LAMB3: variants seen among roughly 807,000 people sequenced by gnomAD.
LAMB3 encodes the protein laminin subunit beta-3.
A neutral mutation model predicts 140.3 loss-of-function variants in LAMB3; 104 were observed. That is an observed-to-expected ratio of 0.74 (90% CI 0.63 to 0.87). The LOEUF (loss-of-function observed/expected upper bound fraction) is 0.87, where lower values mean the gene tolerates loss of function less well. Among genes scored for constraint, LAMB3 ranks in the 40% least tolerant of loss-of-function variants. The pLI is 0.00. For missense variants in LAMB3, 1,531 were observed against 1,575.2 expected (o/e 0.97, Z 0.47); for synonymous variants, 592 against 602.9 (o/e 0.98, Z 0.26).
chr1:209,618,556 G>A lies in LAMB3; in HGVS notation c.2805C>T (p.Ile935=). The part of the protein sequence containing the change: ...SATVLQKMNE[I]QAIAARLPNV... Reference sequence around the variant, plus strand: ...TGGGGAGCCTGGCTGCAATGGCCTGGATCTCATTCATCTTCTGCAGAACAG... The same window carrying A: ...TGGGGAGCCTGGCTGCAATGGCCTGAATCTCATTCATCTTCTGCAGAACAG... Residue 935 remains isoleucine, a synonymous_variant, in exon 19 of 23, where the codon ATC becomes ATT. Coordinates refer to ENST00000356082, the MANE Select transcript of LAMB3 (RefSeq NM_000228.3). 1 of 1,614,232 alleles carries A rather than the reference G, an allele frequency of 6.2e-7. No individual in the cohort carries two copies. The highest frequency in any genetic ancestry group is 8.5e-7 in the Non-Finnish European group (1 of 1,180,034).
chr1:209,621,745 T>A (rs1666203737), intron 18 of LAMB3, among the ~76,000 whole-genome samples: 1 of 152,118 alleles, frequency 6.6e-6, no homozygotes, highest in Non-Finnish European at 1.5e-5. Context: ...TGTTTAGGGA[T>A]CTTTCCATTG....
intron 11 of LAMB3, 35 bp from the exon 12 acceptor site, chr1:209,627,614 C>G: frequency 6.2e-7 from 1 of 1,607,900 alleles, no homozygotes; most frequent in South Asian, 1.1e-5. Context: ...CAGGCAGACG[C>G]TCCATGAAAA....
rs764732120 is a variant in LAMB3 at position 209,615,349 on chromosome 1, C to A, written c.3441G>T (p.Leu1147=). 13 of 1,613,696 alleles carry A rather than the reference C, an allele frequency of 8.1e-6. No individual in the cohort carries two copies. The highest frequency in any genetic ancestry group is 1.7e-6 in the Non-Finnish European group (2 of 1,179,842). Residue 1147 remains leucine, a synonymous_variant, in exon 23 of 23, where the codon CTG becomes CTT. Transcript: ENST00000356082. ...SQAIMLRSAD[L]TGLEKRVEQI... ...GCTCCACACGCTTCTCCAGTCCTGT[C>A]AGGTCCGCTGAGCGCAGCATGATGG...
intron 6 of LAMB3, 98 bp downstream of exon 6, chr1:209,634,349 G>C (rs576647536): frequency 6.4e-6 from 8 of 1,256,084 alleles, no homozygotes; most frequent in Middle Eastern, 3.7e-4. Flanking sequence ...GCTGGCGAGG[G>C]TGTTTCCGTC....
chr1:209,631,539 AT>A (rs1014245238), intron 8 of LAMB3, among the ~76,000 whole-genome samples: 12 of 152,168 alleles, frequency 7.9e-5, no homozygotes, highest in African/African-American at 2.9e-4. Flanking sequence ...CCTGGGGAAC[AT>A]TTTTTAAAAT....
intron 18 of LAMB3, among the ~76,000 whole-genome samples, chr1:209,620,529 C>T (rs1666149044): frequency 1.3e-5 from 2 of 152,194 alleles, no homozygotes; most frequent in Admixed American, 1.3e-4. Context: ...TGTATGCACA[C>T]TCGCATGTGT....
intron 19 of LAMB3, 41 bp from the exon 20 acceptor site, chr1:209,618,089 G>A (rs1246100283): frequency 6.2e-7 from 1 of 1,612,438 alleles, no homozygotes; most frequent in Non-Finnish European, 8.5e-7. Flanking sequence ...GAGAGAATGA[G>A]TGAACAGTGA....
intron 8 of LAMB3, 50 bp from the exon 9 acceptor site, chr1:209,630,785 C>G: frequency 6.2e-7 from 1 of 1,604,054 alleles, no homozygotes; most frequent in Non-Finnish European, 8.5e-7. Context: ...AGAAGGGCAC[C>G]AGGGATGGAC....
rs371013768 is a variant in LAMB3 at position 209,625,957 on chromosome 1, C to A, written c.1667G>T (p.Arg556Leu). 1 of 1,613,806 alleles carries A rather than the reference C, an allele frequency of 6.2e-7. No individual in the cohort carries two copies. Among genetic ancestry groups the A allele is most frequent in the African/African-American group, 1.3e-5 (1 of 75,066 alleles). ...CDKASGRCLC[R>L]PGLTGPRCDQ... is the part of the protein sequence containing the mutation. ...ACAGCGGGGCCCGGTCAAGCCAGGGCGGCAGAGGCAGCGGCCTGATGCCTT... is the reference window on the plus strand; with the variant it reads ...ACAGCGGGGCCCGGTCAAGCCAGGGAGGCAGAGGCAGCGGCCTGATGCCTT... Residue 556 changes from arginine to leucine, a missense_variant, in exon 14 of 23, where the codon CGC becomes CTC. Transcript: ENST00000356082.
chr1:209,616,391 C>T lies in LAMB3; in HGVS notation c.3382+80G>A, dbSNP rs146456804. On this transcript the variant is annotated intron_variant, in intron 22 of 22. Coordinates refer to ENST00000356082, the MANE Select transcript of LAMB3 (RefSeq NM_000228.3). Reference sequence around the variant, plus strand: ...ATAGCACGGCTAGCTCCAATAAGAACGGGCTTCAGAAGCCTTGGGTTGGGT... The same window carrying T: ...ATAGCACGGCTAGCTCCAATAAGAATGGGCTTCAGAAGCCTTGGGTTGGGT... 3,470 of 1,519,798 alleles carry T rather than the reference C, an allele frequency of 2.3e-3. 10 individuals carry two copies. Among genetic ancestry groups the T allele is most frequent in the Non-Finnish European group, 2.6e-3 (2,835 of 1,095,230 alleles). The allele number at this position is 1,519,798 out of a possible 1,614,324, so 94.1% of individuals were successfully genotyped here.
chr1:209,623,103 G>A lies in LAMB3; in HGVS notation c.2435C>T (p.Thr812Ile). 3 of 1,614,234 alleles carry A rather than the reference G, an allele frequency of 1.9e-6. No individual in the cohort carries two copies. The highest frequency in any genetic ancestry group is 2.5e-6 in the Non-Finnish European group (3 of 1,180,046). Residue 812 changes from threonine (T) to isoleucine (I), a missense_variant, in exon 17 of 23, where the codon ACA (threonine) becomes ATA (isoleucine). Transcript: ENST00000356082. This position sits in a 1 kb window ranked among gnomAD's most constrained non-coding sequence, Gnocchi z 4.2. The stretch of plus-strand genomic sequence containing the variant: ...ACCCCTGCAGCGGGAGCCACAGGCT[G>A]TGCCATTGTCTTGGGGACATAGCTC... ...PGELCPQDNG[T>I]ACGSRCRGVL...
chr1:209,649,101 C>T (rs1174349828), intron 3 of LAMB3, among the ~76,000 whole-genome samples: 2 of 152,150 alleles, frequency 1.3e-5, no homozygotes, highest in African/African-American at 4.8e-5. Flanking sequence ...AACACAGGGA[C>T]TAGAAGGGCA....
chr1:209,619,896 C>A (rs1666126367), intron 18 of LAMB3, among the ~76,000 whole-genome samples: 1 of 152,210 alleles, frequency 6.6e-6, no homozygotes, highest in Non-Finnish European at 1.5e-5. Context: ...TCGGGGCTTG[C>A]ATGCAGCATA....
chr1:209,621,167 A>C (rs1397161790), intron 18 of LAMB3, among the ~76,000 whole-genome samples: 1 of 152,128 alleles, frequency 6.6e-6, no homozygotes, highest in Non-Finnish European at 1.5e-5. Flanking sequence ...CCTCCCACCC[A>C]CTGAGGCCAG....
intron 2 of LAMB3, among the ~76,000 whole-genome samples, chr1:209,650,407 A>T (rs749551952): frequency 5.3e-5 from 8 of 152,126 alleles, no homozygotes; most frequent in Non-Finnish European, 4.4e-5. Flanking sequence ...GGAGACATAG[A>T]CTCGGCCATC....
Position 209,617,977 on chromosome 1 carries a change from A to C in LAMB3, c.2981T>G (p.Leu994Arg). Residue 994 changes from leucine (L) to arginine (R), a missense_variant, in exon 20 of 23, where the codon CTG (leucine) becomes CGG (arginine). By Grantham distance (102) the Leu-to-Arg change is moderately radical. Coordinates refer to ENST00000356082, the MANE Select transcript of LAMB3 (RefSeq NM_000228.3). The part of the protein sequence containing the change: ...VGNLRQGTVA[L>R]QEAQDTMQGT... ...TTGCATGGTGTCCTGAGCTTCCTGC[A>C]GTGCCACTGTCCCCTGCCGCAGGTT... 1 of 1,614,222 alleles carries C rather than the reference A, an allele frequency of 6.2e-7. No homozygotes were observed. The highest frequency in any genetic ancestry group is 1.1e-5 in the South Asian group (1 of 91,088).
chr1:209,647,750 C>T (rs1447429634), intron 3 of LAMB3, among the ~76,000 whole-genome samples: 2 of 152,148 alleles, frequency 1.3e-5, no homozygotes, highest in African/African-American at 2.4e-5. Context: ...ACTCAATACA[C>T]GATATGTTTC....
chr1:209,622,876 C>T, intron 17 of LAMB3, 106 bp downstream of exon 17: 1 of 1,437,004 alleles, frequency 7.0e-7, no homozygotes, highest in Admixed American at 1.7e-5. Flanking sequence ...AGCAGGTCAC[C>T]TAAAATCTCT....
intron 9 of LAMB3, chr1:209,630,409 C>T (rs116466280): frequency 9.6e-6 from 6 of 624,620 alleles, no homozygotes; most frequent in African/African-American, 9.2e-5. Flanking sequence ...GAAGCAGGCT[C>T]TAGCTGGGGA....
Sources: allele counts gnomAD v4.1 joint callset (sites outside exome capture counted in the v4.1 genomes callset), GRCh38; gene constraint gnomAD v4.1.1; non-coding constraint Gnocchi (gnomAD v3.1); transcripts MANE v1.5; gene names NCBI Gene and HGNC (gene_info 2026-07-23, HGNC 2026-07-21).